The following TSN variants were observed in gnomAD, a reference collection of about 807,000 sequenced individuals.
The protein encoded by TSN is component 3 of promoter of RISC.
TSN carries 5 observed loss-of-function variants against 29.4 expected under a neutral mutation model. That is an observed-to-expected ratio of 0.17 (90% CI 0.09 to 0.36). TSN has a LOEUF of 0.36. Ranked by LOEUF, TSN falls within the 10% of genes least tolerant of loss-of-function variation. The probability of loss-of-function intolerance (pLI) is 1.00; values close to 1 mark genes in which losing one functional copy is unlikely to be tolerated. For synonymous variants in TSN, 106 were observed against 102.2 expected (o/e 1.04, Z -0.23); for missense variants, 159 against 272.8 (o/e 0.58, Z 2.94).
intron 4 of TSN, among the ~76,000 whole-genome samples, chr2:121,762,749 CAAG>C (rs1170677772): frequency 6.6e-6 from 1 of 152,052 alleles, no homozygotes; most frequent in African/African-American, 2.4e-5. Flanking sequence ...TGCTTTCTAA[CAAG>C]AAGTATATTC....
rs2074910850 is a variant in TSN, at chr2:121,767,043, C to A, written c.*1676C>A. On this transcript the variant is annotated 3_prime_UTR_variant, in exon 6 of 6. Coordinates refer to ENST00000389682, the MANE Select transcript of TSN (RefSeq NM_004622.3). ...AGCATGAAAGGCTTTTAAATTAGAT[C>A]ATCCCACAGACAATACGTTTGATAA... 1 of 152,218 alleles carries A rather than the reference C, an allele frequency of 6.6e-6. No homozygotes were observed. The allele number at this position is 152,218 out of a possible 1,614,324, so 9.4% of individuals were successfully genotyped here. A position where few individuals can be genotyped will look rare whatever the true frequency, so the allele number is the denominator to read the frequency against.
intron 5 of TSN, among the ~76,000 whole-genome samples, chr2:121,764,088 T>C (rs1353228461): frequency 6.6e-6 from 1 of 152,196 alleles, no homozygotes; most frequent in Non-Finnish European, 1.5e-5. Context: ...TTTGAAGTTG[T>C]ACACACAACT....
chr2:121,767,175 A>G lies in TSN; in HGVS notation c.*1808A>G, dbSNP rs1298706146. 1 of 152,226 alleles carries G rather than the reference A, an allele frequency of 6.6e-6. No homozygotes were observed. The highest frequency in any genetic ancestry group is 1.5e-5 in the Non-Finnish European group (1 of 68,048). The allele number at this position is 152,226 out of a possible 1,614,324, so 9.4% of individuals were successfully genotyped here. A position where few individuals can be genotyped will look rare whatever the true frequency, so the allele number is the denominator to read the frequency against. ...TTAACAAATGCTATTAAAGTGGAGA[A>G]GCACACTCTGGTCTTGGAATTCCAT... On this transcript the variant is annotated 3_prime_UTR_variant, in exon 6 of 6. Coordinates refer to ENST00000389682, the MANE Select transcript of TSN (RefSeq NM_004622.3).
chr2:121,762,253 A>G (rs976800490), intron 4 of TSN, among the ~76,000 whole-genome samples: 7 of 152,064 alleles, frequency 4.6e-5, no homozygotes, highest in African/African-American at 1.2e-4. Flanking sequence ...CAGCCTCCCA[A>G]AGTGCTGGGA....
At chr2:121,764,831 T>C (rs1573392795) in intron 5 of TSN, among the ~76,000 whole-genome samples, 3 of 152,222 alleles carry the variant, frequency 2.0e-5, no homozygotes, top group Admixed American at 1.3e-4. Context: ...TTCTTCGATA[T>C]GATAGCAGAT....
Position 121,766,111 on chromosome 2 carries a change from A to G in TSN, c.*744A>G, listed in dbSNP as rs1346411374. On this transcript the variant is annotated 3_prime_UTR_variant, in exon 6 of 6. Coordinates refer to ENST00000389682, the MANE Select transcript of TSN (RefSeq NM_004622.3). ...TATTCTGCTATTGCAGCAATTAAAAATTGTCTTCATGTACATTTGGAACTA... is the reference window on the plus strand; with the variant it reads ...TATTCTGCTATTGCAGCAATTAAAAGTTGTCTTCATGTACATTTGGAACTA... The G allele has an allele frequency of 6.6e-6, 1 of 152,264 alleles. No individual in the cohort carries two copies. Among genetic ancestry groups the G allele is most frequent in the African/African-American group, 2.4e-5 (1 of 41,466 alleles). The allele number at this position is 152,264 out of a possible 1,614,324, so 9.4% of individuals were successfully genotyped here. A position where few individuals can be genotyped will look rare whatever the true frequency, so the allele number is the denominator to read the frequency against.
At chr2:121,756,282 CTCT>C in intron 1 of TSN, 2 of 244,250 alleles carry the variant, frequency 8.2e-6, no homozygotes, top group Non-Finnish European at 1.7e-5. Flanking sequence ...CTCGTTTATG[CTCT>C]CTGTCTTTGT....
rs2074898418 is a variant in TSN, at chr2:121,766,170, C to T, written c.*803C>T. On this transcript the variant is annotated 3_prime_UTR_variant, in exon 6 of 6. Transcript: ENST00000389682. ...TGTGATATATTCCTAAACTATGAAA[C>T]CTTTTTCCTAGTAGTCAGCTAGATC... 6.6e-6 allele frequency: 1 copy of T among 152,186 alleles called. No homozygotes were observed. Among genetic ancestry groups the T allele is most frequent in the African/African-American group, 2.4e-5 (1 of 41,444 alleles). 9.4% of individuals were successfully genotyped at this position (152,186 alleles called of 1,614,324 possible).
chr2:121,756,604 A>G (rs1250970086), intron 1 of TSN: 6 of 1,297,732 alleles, frequency 4.6e-6, no homozygotes, highest in Non-Finnish European at 4.1e-6. Context: ...CTCAGTGAAT[A>G]TTTTAAAAAT....
At chr2:121,757,538 A>G in intron 2 of TSN, 1 of 957,876 alleles carries the variant, frequency 1.0e-6, no homozygotes, top group East Asian at 2.7e-5. Flanking sequence ...TTGCGAGGGC[A>G]TTCTACTGAT....
In TSN at chr2:121,755,682, G is replaced by C; in HGVS notation, c.-98G>C. On this transcript the variant is annotated 5_prime_UTR_variant, in exon 1 of 6. Coordinates refer to ENST00000389682, the MANE Select transcript of TSN (RefSeq NM_004622.3). ...GGCGTAAGACCGGGGGGACGCGGCG[G>C]TAGCGGCGGCCGTTGCGATTGATTG... is the stretch of plus-strand genomic sequence containing the variant. 1 of 1,507,970 alleles carries C rather than the reference G, an allele frequency of 6.6e-7. No homozygotes were observed. 93.4% of individuals were successfully genotyped at this position (1,507,970 alleles called of 1,614,324 possible). A position where few individuals can be genotyped will look rare whatever the true frequency, so the allele number is the denominator to read the frequency against.
At chr2:121,756,965 T>A (rs563016977) in intron 1 of TSN, among the ~76,000 whole-genome samples, 9 of 152,248 alleles carry the variant, frequency 5.9e-5, no homozygotes, top group African/African-American at 2.2e-4. Flanking sequence ...GTGTTGCATT[T>A]AACTCTTCAT....
Position 121,755,773 on chromosome 2 carries a change from C to T in TSN, c.-7C>T, listed in dbSNP as rs993034196. ...CTACACTGGCTGATTGTTGTGCAGC[C>T]GGCGCCATGTCTGTGAGCGAGATCT... On this transcript the variant is annotated 5_prime_UTR_variant, in exon 1 of 6. Transcript: ENST00000389682. 1.9e-6 allele frequency: 3 copies of T among 1,613,664 alleles called. No homozygotes were observed. The highest frequency in any genetic ancestry group is 2.2e-5 in the East Asian group (1 of 44,880).
chr2:121,762,914 CACTT>C, intron 4 of TSN, 87 bp from the exon 5 acceptor site: 1 of 1,182,710 alleles, frequency 8.5e-7, no homozygotes, highest in Non-Finnish European at 1.2e-6. Context: ...ATCCTTTCTT[CACTT>C]ACTTTGGGAG....
At chr2:121,764,240 G>C (rs10172787) in intron 5 of TSN, among the ~76,000 whole-genome samples, 4,012 of 152,284 alleles carry the variant, frequency 0.026, 179 homozygotes, top group African/African-American at 0.09. Context: ...TGTCTGGCTT[G>C]TTGGAGACAC....
At chr2:121,762,675 GTGTCTT>G (rs142108997) in intron 4 of TSN, among the ~76,000 whole-genome samples, 4,000 of 152,290 alleles carry the variant, frequency 0.026, 173 homozygotes, top group African/African-American at 0.09. Context: ...CATTTTGTGT[GTGTCTT>G]TGTCAGCCAT....
chr2:121,757,340 T>G lies in TSN; in HGVS notation c.160+7T>G. The G allele has an allele frequency of 6.2e-7, 1 of 1,613,974 alleles. No homozygotes were observed. Among genetic ancestry groups the G allele is most frequent in the Non-Finnish European group, 8.5e-7 (1 of 1,179,938 alleles). On this transcript the variant is annotated splice_region_variant and intron_variant, in intron 2 of 5. Coordinates refer to ENST00000389682, the MANE Select transcript of TSN (RefSeq NM_004622.3). ...GGTGCTGGGTTTCAGGACAGTAAGT[T>G]CTTTGTTTTGTATCCAATTATCAGT...
intron 3 of TSN, among the ~76,000 whole-genome samples, chr2:121,759,012 T>A (rs933773921): frequency 6.6e-6 from 1 of 152,204 alleles, no homozygotes; most frequent in African/African-American, 2.4e-5. Flanking sequence ...GGAACATGTA[T>A]TACTTTTGCA....
In TSN at chr2:121,767,332, C is replaced by A. The variant is rs2074915765; in HGVS notation, c.*1965C>A. The stretch of plus-strand genomic sequence containing the variant: ...TGTAAGAAATCTCCCATGTGCATAA[C>A]AAATTCTGAATATTTTTTGAGGCTA... On this transcript the variant is annotated 3_prime_UTR_variant, in exon 6 of 6. Transcript: ENST00000389682. The A allele has an allele frequency of 6.6e-6, 1 of 152,042 alleles. No individual in the cohort carries two copies. The highest frequency in any genetic ancestry group is 2.4e-5 in the African/African-American group (1 of 41,398). 9.4% of individuals were successfully genotyped at this position (152,042 alleles called of 1,614,324 possible).
Sources: gnomAD v4.1 joint callset for allele counts (sites outside exome capture counted in the v4.1 genomes callset) on GRCh38, gnomAD v4.1.1 for gene constraint, MANE v1.5 for transcripts, NCBI Gene and HGNC (gene_info 2026-07-23, HGNC 2026-07-21) for gene names.